The following DAPK1 variants were observed in gnomAD, a reference collection of about 807,000 sequenced individuals.
DAPK1 encodes the protein death-associated protein kinase 1.
In DAPK1, 56 loss-of-function variants were observed where a neutral mutation model predicts 144.9. The ratio of observed to expected loss-of-function variants is 0.39; its 90% CI spans 0.31 to 0.48. DAPK1 has a LOEUF of 0.48. Among genes scored for constraint, DAPK1 ranks in the 20% least tolerant of loss-of-function variants. The probability of loss-of-function intolerance (pLI) is 0.95; values close to 1 mark genes in which losing one functional copy is unlikely to be tolerated. For synonymous variants in DAPK1, 690 were observed against 749.0 expected (o/e 0.92, Z 1.29); for missense variants, 1,454 against 1,875.4 (o/e 0.78, Z 4.15).
In DAPK1 at chr9:87,706,230, C is replaced by G. The variant is rs749000197; in HGVS notation, c.3159C>G (p.Thr1053=). 1.2e-6 allele frequency: 2 copies of G among 1,612,474 alleles called. No homozygotes were observed. Among genetic ancestry groups the G allele is most frequent in the Non-Finnish European group, 8.5e-7 (1 of 1,178,474 alleles). The part of the protein sequence containing the change: ...NVLGKLLSVE[T]PRALHHYRGR... ...TGGGGAAGTTGCTGTCCGTGGAGAC[C>G]CCACGGGCGCTGCACCACTACCGGG... The change falls in exon 26 of 26, where the codon ACC becomes ACG. Residue 1053 remains threonine (T), a synonymous_variant. Coordinates refer to ENST00000408954, the MANE Select transcript of DAPK1 (RefSeq NM_004938.4). This position sits in a 1 kb window ranked among gnomAD's most constrained non-coding sequence, Gnocchi z 9.0.
intron 2 of DAPK1, among the ~76,000 whole-genome samples, chr9:87,562,337 A>G (rs1571515): frequency 0.68 from 102,882 of 152,176 alleles, 36,435 homozygotes; most frequent in African/African-American, 0.89. Context: ...CCAGGACTGA[A>G]GGTAATGAAG....
At chr9:87,595,339 C>T (rs1488654486) in intron 2 of DAPK1, among the ~76,000 whole-genome samples, 2 of 152,114 alleles carry the variant, frequency 1.3e-5, no homozygotes, top group African/African-American at 2.4e-5. Flanking sequence ...CCATGACTCC[C>T]TTTCTCCAAG....
chr9:87,506,485 A>C (rs1004550171), intron 2 of DAPK1, among the ~76,000 whole-genome samples: 1 of 152,254 alleles, frequency 6.6e-6, no homozygotes, highest in Admixed American at 6.5e-5. Flanking sequence ...TTACCTTTTT[A>C]GAAAACTCCA....
At chr9:87,568,377 C>T (rs1827208493) in intron 2 of DAPK1, among the ~76,000 whole-genome samples, 2 of 152,268 alleles carry the variant, frequency 1.3e-5, no homozygotes, top group Non-Finnish European at 2.9e-5. Flanking sequence ...TCCCACACAA[C>T]ACTCCAGTTG....
At position 87,707,238 on chromosome 9, in the gene DAPK1, A is replaced by T. The variant is rs768907422; in HGVS notation, c.4167A>T (p.Ala1389=). Reference sequence around the variant, plus strand: ...GGGAGCTGGGTCGCCGGGATGCCGCAGACTTTTTGCTGAAGGCATCCTCTG... The same window carrying T: ...GGGAGCTGGGTCGCCGGGATGCCGCTGACTTTTTGCTGAAGGCATCCTCTG... ...KLRELGRRDA[A]DFLLKASSVF... The change falls in exon 26 of 26, where the codon GCA becomes GCT. Residue 1389 remains alanine (A), a synonymous_variant. Transcript: ENST00000408954. This position sits in a 1 kb window ranked among gnomAD's most constrained non-coding sequence, Gnocchi z 4.0. The T allele has an allele frequency of 6.2e-7, 1 of 1,614,184 alleles. No individual in the cohort carries two copies.
chr9:87,581,462 A>G (rs1302305286), intron 2 of DAPK1, among the ~76,000 whole-genome samples: 1 of 152,230 alleles, frequency 6.6e-6, no homozygotes, highest in African/African-American at 2.4e-5. Flanking sequence ...ACTTACAACA[A>G]TATCCTGAAA....
intron 18 of DAPK1, among the ~76,000 whole-genome samples, chr9:87,661,978 C>G (rs1830864658): frequency 6.6e-6 from 1 of 152,192 alleles, no homozygotes; most frequent in South Asian, 2.1e-4. Flanking sequence ...AGTCTTTAAT[C>G]TATCTTGAGT....
At position 87,624,800 on chromosome 9, in the gene DAPK1, A is replaced by G. The variant is rs183305763; in HGVS notation, c.285-13143A>G. Among the ~76,000 whole-genome samples, 9 of 152,334 alleles carry G rather than the reference A, an allele frequency of 5.9e-5. No homozygotes were observed. In the East Asian group the frequency reaches 1.7e-3, roughly 29 times the overall value. ...CCAGAGGCCTAGCGAAGCGAATTCT[A>G]TAAGCATTCCTAAATCACCTTTATT... is the stretch of plus-strand genomic sequence containing the variant. On this transcript the variant is annotated intron_variant, in intron 3 of 25. Transcript: ENST00000408954.
intron 2 of DAPK1, among the ~76,000 whole-genome samples, chr9:87,572,236 A>G (rs998200767): frequency 5.9e-5 from 9 of 152,198 alleles, no homozygotes; most frequent in Non-Finnish European, 8.8e-5. Flanking sequence ...AACACTTTCA[A>G]TCCTCATAGT....
rs756548194 is a variant in DAPK1, at chr9:87,658,104, G to A, written c.1900G>A (p.Ala634Thr). ...DVVRYLCLMG[A>T]SVEALTTDGK... ...GGTCCGGTATCTCTGTCTGATGGGAGCCAGCGTTGAGGCGCTGACCACGGT... is the reference window on the plus strand; with the variant it reads ...GGTCCGGTATCTCTGTCTGATGGGAACCAGCGTTGAGGCGCTGACCACGGT... Residue 634 changes from alanine to threonine, a missense_variant, in exon 18 of 26, where the codon GCC becomes ACC. Physicochemically the swap from Ala to Thr is moderately conservative, Grantham distance 58. Around this residue, in one of 2 missense-constraint regions of DAPK1, gnomAD observed 1,025 missense variants for 1,237.9 expected, o/e 0.83. Transcript: ENST00000408954. 1 of 1,507,414 alleles carries A rather than the reference G, an allele frequency of 6.6e-7. No individual in the cohort carries two copies. Among genetic ancestry groups the A allele is most frequent in the African/African-American group, 1.4e-5 (1 of 72,842 alleles). The allele number at this position is 1,507,414 out of a possible 1,614,324, so 93.4% of individuals were successfully genotyped here.
At chr9:87,605,662 G>C (rs1828691008) in intron 3 of DAPK1, among the ~76,000 whole-genome samples, 1 of 151,920 alleles carries the variant, frequency 6.6e-6, no homozygotes, top group Non-Finnish European at 1.5e-5. Context: ...TTATATGAAT[G>C]GGTAAAATTG....
intron 2 of DAPK1, among the ~76,000 whole-genome samples, chr9:87,587,592 T>C (rs1208858597): frequency 6.6e-6 from 1 of 152,194 alleles, no homozygotes; most frequent in African/African-American, 2.4e-5. Context: ...CAGAAAGACA[T>C]CCGAATAATG....
chr9:87,632,937 A>G (rs1829759626), intron 3 of DAPK1: 1 of 923,766 alleles, frequency 1.1e-6, no homozygotes, highest in South Asian at 5.2e-5. Context: ...AAGGGTGATC[A>G]GTATATACGT....
chr9:87,497,800 T>G (rs965017089), upstream of DAPK1: 5 of 370,052 alleles, frequency 1.4e-5, no homozygotes, highest in African/African-American at 4.2e-5. Flanking sequence ...CCAGCCCGCT[T>G]GCAGGGTCCC....
In DAPK1 at chr9:87,686,267, C is replaced by T. The variant is rs1312851120; in HGVS notation, c.2225-284C>T. Among the ~76,000 whole-genome samples the T allele has an allele frequency of 6.6e-6, 1 of 152,154 alleles. No individual in the cohort carries two copies. The highest frequency in any genetic ancestry group is 1.5e-5 in the Non-Finnish European group (1 of 68,024). On this transcript the variant is annotated intron_variant, in intron 20 of 25. Transcript: ENST00000408954. This position sits in a 1 kb window ranked among gnomAD's most constrained non-coding sequence, Gnocchi z 4.2. ...CCGTTGGCTGACCCTAAGCAGAAATCACATGGCAAGCCAGCCTAGAGACAC... is the reference window on the plus strand; with the variant it reads ...CCGTTGGCTGACCCTAAGCAGAAATTACATGGCAAGCCAGCCTAGAGACAC...
chr9:87,555,608 A>G (rs562095469), intron 2 of DAPK1, among the ~76,000 whole-genome samples: 6 of 152,040 alleles, frequency 3.9e-5, no homozygotes, highest in African/African-American at 1.2e-4. Flanking sequence ...GGTTCAAGCA[A>G]TTTTCCTGCC....
At chr9:87,535,880 T>G (rs1489485137) in intron 2 of DAPK1, among the ~76,000 whole-genome samples, 1 of 152,218 alleles carries the variant, frequency 6.6e-6, no homozygotes, top group African/African-American at 2.4e-5. Flanking sequence ...GGTTCTTATC[T>G]TTGGGCAGAG....
chr9:87,667,486 A>G (rs1193500675), intron 18 of DAPK1, among the ~76,000 whole-genome samples: 6 of 152,226 alleles, frequency 3.9e-5, no homozygotes, highest in African/African-American at 9.6e-5. Context: ...CCTAAGAGGC[A>G]CAAGACAGGC....
At chr9:87,638,914 C>A (rs907939507) in intron 4 of DAPK1, among the ~76,000 whole-genome samples, 8 of 152,150 alleles carry the variant, frequency 5.3e-5, no homozygotes, top group African/African-American at 1.7e-4. Flanking sequence ...GCCCTGGGAG[C>A]TGGAAATGCA....
Sources: allele counts gnomAD v4.1 joint callset (sites outside exome capture counted in the v4.1 genomes callset), GRCh38; gene constraint gnomAD v4.1.1; regional missense constraint gnomAD v4.1.1; non-coding constraint Gnocchi (gnomAD v3.1); transcripts MANE v1.5; gene names NCBI Gene and HGNC (gene_info 2026-07-23, HGNC 2026-07-21).